Variants in CHD9 observed in about 807,000 individuals in gnomAD.
CHD9 encodes the protein chromodomain helicase DNA binding protein 9.
In CHD9, 77 loss-of-function variants were observed where a neutral mutation model predicts 316.1. The ratio of observed to expected loss-of-function variants is 0.24; its 90% CI spans 0.20 to 0.29. CHD9 has a LOEUF of 0.29. Among genes scored for constraint, CHD9 ranks in the 10% least tolerant of loss-of-function variants. CHD9 has a pLI of 1.00. For synonymous variants in CHD9, 1,129 were observed against 1,158.3 expected (o/e 0.97, Z 0.51); for missense variants, 2,763 against 3,438.1 (o/e 0.80, Z 4.91).
In CHD9 at chr16:53,172,923, T is replaced by G. The variant is rs186319333; in HGVS notation, c.1452+15382T>G. On this transcript the variant is annotated intron_variant, in intron 2 of 38. Transcript: ENST00000447540. Reference sequence around the variant, plus strand: ...AGTTGTCAGATATCTATTTTGCAGATATATTTTCTCCCAGTCTGTGGGTTG... The same window carrying G: ...AGTTGTCAGATATCTATTTTGCAGAGATATTTTCTCCCAGTCTGTGGGTTG... Among the ~76,000 whole-genome samples, 23 of 152,328 alleles carry G rather than the reference T, an allele frequency of 1.5e-4. 1 individual carries two copies. The East Asian group carries it at 4.2e-3, about 28-fold the overall frequency.
At chr16:53,164,596 C>T (rs2042145104) in intron 2 of CHD9, among the ~76,000 whole-genome samples, 2 of 151,148 alleles carry the variant, frequency 1.3e-5, no homozygotes, top group Admixed American at 6.6e-5. Context: ...AAAAAACAAC[C>T]ATAACAACAA....
intron 2 of CHD9, among the ~76,000 whole-genome samples, chr16:53,182,291 C>T (rs2043592956): frequency 6.6e-6 from 1 of 152,134 alleles, no homozygotes; most frequent in Non-Finnish European, 1.5e-5. Context: ...ATCTTCCAGG[C>T]TCAAGTGATC....
chr16:53,324,881 A>G lies in CHD9; in HGVS notation c.8680A>G (p.Ser2894Gly), dbSNP rs555181214. ...TSSSSEDSDSSNED is the reference protein window; with the variant it reads ...TSSSSEDSDSGNED ...GTCGTCATCTGAGGATTCAGATTCTAGTAATGAAGACTGATTCCCAGACTC... is the reference window on the plus strand; with the variant it reads ...GTCGTCATCTGAGGATTCAGATTCTGGTAATGAAGACTGATTCCCAGACTC... The change falls in exon 39 of 39, where the codon AGT becomes GGT. Residue 2894 changes from serine to glycine, a missense_variant. Ser to Gly is a moderately conservative substitution (Grantham distance 56). Transcript: ENST00000447540. 1.9e-6 allele frequency: 3 copies of G among 1,591,720 alleles called. No homozygotes were observed. The highest frequency in any genetic ancestry group is 4.5e-5 in the East Asian group (2 of 44,662).
intron 2 of CHD9, among the ~76,000 whole-genome samples, chr16:53,165,773 A>G (rs1336204347): frequency 6.6e-6 from 1 of 152,100 alleles, no homozygotes; most frequent in East Asian, 1.9e-4. Flanking sequence ...GTTATAGCAT[A>G]CTATTTTAAA....
At chr16:53,135,011 A>G (rs1323368058) in intron 1 of CHD9, among the ~76,000 whole-genome samples, 1 of 152,226 alleles carries the variant, frequency 6.6e-6, no homozygotes, top group Non-Finnish European at 1.5e-5. Flanking sequence ...GAAAATGGGG[A>G]GAAATTAATG....
chr16:53,130,124 C>A (rs1235262218), intron 1 of CHD9, among the ~76,000 whole-genome samples: 2 of 152,184 alleles, frequency 1.3e-5, no homozygotes, highest in Non-Finnish European at 2.9e-5. Context: ...GGGTTGCAAC[C>A]GCAGGCTAGG....
At chr16:53,249,839 T>C (rs779275451) in intron 16 of CHD9, 32 bp from the exon 17 acceptor site, 1 of 1,496,656 alleles carries the variant, frequency 6.7e-7, no homozygotes, top group South Asian at 1.1e-5. Context: ...ATTATACTTA[T>C]TTATGTAAAT....
intron 37 of CHD9, among the ~76,000 whole-genome samples, chr16:53,320,782 G>A (rs2057223945): frequency 6.6e-6 from 1 of 151,862 alleles, no homozygotes; most frequent in South Asian, 2.1e-4. Flanking sequence ...ACTTATGATT[G>A]GTTAATTATA....
intron 2 of CHD9, among the ~76,000 whole-genome samples, chr16:53,198,826 G>A (rs2045186681): frequency 6.6e-6 from 1 of 152,134 alleles, no homozygotes; most frequent in Admixed American, 6.5e-5. Flanking sequence ...AGATGGAATG[G>A]GAACGCCTAG....
intron 2 of CHD9, among the ~76,000 whole-genome samples, chr16:53,182,614 C>T (rs1597328083): frequency 6.6e-6 from 1 of 152,136 alleles, no homozygotes; most frequent in East Asian, 1.9e-4. Flanking sequence ...GTTTGAGTTA[C>T]AGGTTTGTGT....
In CHD9 at chr16:53,090,865, C is replaced by T. The variant is rs572147819; in HGVS notation, c.-165+35788C>T. On this transcript the variant is annotated intron_variant, in intron 1 of 38. Coordinates refer to ENST00000447540, the MANE Select transcript of CHD9 (RefSeq NM_001308319.2). ...TGCCCTGTCCCAGCAGAGTCTGGCT[C>T]AAAGTTCAAAGCCAGGGTGGCTTTG... Among the ~76,000 whole-genome samples, 253 of 152,216 alleles carry T rather than the reference C, an allele frequency of 1.7e-3. 2 individuals are homozygous for T. Among genetic ancestry groups the T allele is most frequent in the African/African-American group, 5.7e-3 (236 of 41,544 alleles).
At chr16:53,154,253 A>G (rs1417006181) in intron 1 of CHD9, among the ~76,000 whole-genome samples, 7 of 152,224 alleles carry the variant, frequency 4.6e-5, no homozygotes, top group Non-Finnish European at 8.8e-5. Context: ...TTTTACTAAT[A>G]TTTCCTGAGC....
chr16:53,213,433 C>T (rs2046487091), intron 3 of CHD9, among the ~76,000 whole-genome samples: 1 of 151,956 alleles, frequency 6.6e-6, no homozygotes, highest in Admixed American at 6.6e-5. Flanking sequence ...AATAGATGCT[C>T]CATGAATGGA....
intron 32 of CHD9, 137 bp downstream of exon 32, chr16:53,306,534 G>C: frequency 3.4e-6 from 2 of 588,422 alleles, no homozygotes; most frequent in South Asian, 6.7e-5. Flanking sequence ...AGCTCCAAAA[G>C]TATAAATTAC....
chr16:53,274,614 C>T (rs1231825119), intron 24 of CHD9, among the ~76,000 whole-genome samples: 1 of 152,088 alleles, frequency 6.6e-6, no homozygotes, highest in Non-Finnish European at 1.5e-5. Context: ...CGTCACCACG[C>T]CCGGCTAATT....
chr16:53,069,493 C>T (rs967404822), intron 1 of CHD9, among the ~76,000 whole-genome samples: 4 of 152,192 alleles, frequency 2.6e-5, no homozygotes, highest in Non-Finnish European at 5.9e-5. Flanking sequence ...TTTGACTACT[C>T]TGGGTACCTC....
intron 1 of CHD9, among the ~76,000 whole-genome samples, chr16:53,059,705 A>G (rs2152494148): frequency 6.6e-6 from 1 of 152,348 alleles, no homozygotes; most frequent in East Asian, 1.9e-4. Context: ...GTGAACAGGC[A>G]TCAGCAAACT....
intron 1 of CHD9, among the ~76,000 whole-genome samples, chr16:53,113,936 G>C (rs1315386486): frequency 6.6e-6 from 1 of 151,676 alleles, no homozygotes; most frequent in African/African-American, 2.4e-5. Context: ...TTGGACTCCT[G>C]GCCTCACCTC....
At chr16:53,102,298 G>C (rs1282895848) in intron 1 of CHD9, among the ~76,000 whole-genome samples, 1 of 152,130 alleles carries the variant, frequency 6.6e-6, no homozygotes, top group Non-Finnish European at 1.5e-5. Flanking sequence ...AGCTTCATGA[G>C]AGTAGGGTTC....
Sources: gnomAD v4.1 joint callset for allele counts (sites outside exome capture counted in the v4.1 genomes callset) on GRCh38, gnomAD v4.1.1 for gene constraint, MANE v1.5 for transcripts, NCBI Gene and HGNC (gene_info 2026-07-23, HGNC 2026-07-21) for gene names.